Variants in CACNA1D observed in about 807,000 individuals in gnomAD.
CACNA1D encodes voltage-dependent L-type calcium channel subunit alpha-1D.
Under a neutral mutation model 257.1 loss-of-function variants are expected in CACNA1D, and 55 were observed. The observed-to-expected ratio is 0.21, with a 90% CI of 0.17 to 0.27. CACNA1D has a LOEUF of 0.27. Among genes scored for constraint, CACNA1D ranks in the 10% least tolerant of loss-of-function variants. CACNA1D has a pLI of 1.00. For missense variants in CACNA1D, 1,876 were observed against 2,784.0 expected (o/e 0.67, Z 7.34); for synonymous variants, 980 against 1,014.9 (o/e 0.97, Z 0.65).
In CACNA1D at chr3:53,774,773, G is replaced by T. The variant is rs2095387641; in HGVS notation, c.4202+95G>T. 1 of 754,072 alleles carries T rather than the reference G, an allele frequency of 1.3e-6. No homozygotes were observed. Among genetic ancestry groups the T allele is most frequent in the Non-Finnish European group, 2.4e-6 (1 of 414,892 alleles). 46.7% of individuals were successfully genotyped at this position (754,072 alleles called of 1,614,324 possible). A position where few individuals can be genotyped will look rare whatever the true frequency, so the allele number is the denominator to read the frequency against. On this transcript the variant is annotated intron_variant, in intron 34 of 47. Transcript: ENST00000350061. This position sits in a 1 kb window ranked among gnomAD's most constrained non-coding sequence, Gnocchi z 4.3. ...AGGACACAGGTTATTAAAGCAGTGT[G>T]CCTTTCTCAGTTGATTGTGATGGCT...
intron 3 of CACNA1D, among the ~76,000 whole-genome samples, chr3:53,608,586 C>A (rs2093543324): frequency 6.6e-6 from 1 of 152,172 alleles, no homozygotes; most frequent in Non-Finnish European, 1.5e-5. Flanking sequence ...CATTTCTTCA[C>A]CGTTAAGTAT....
chr3:53,728,686 A>G (rs1020819), intron 15 of CACNA1D, among the ~76,000 whole-genome samples: 1 of 151,978 alleles, frequency 6.6e-6, no homozygotes, highest in South Asian at 2.1e-4. Context: ...CTGTGGTTGC[A>G]TGTTGTTTTC....
At chr3:53,552,315 A>G (rs1432593239) in intron 3 of CACNA1D, among the ~76,000 whole-genome samples, 1 of 152,212 alleles carries the variant, frequency 6.6e-6, no homozygotes, top group Non-Finnish European at 1.5e-5. Flanking sequence ...CTATGCCACC[A>G]GAAGCCATGC....
At chr3:53,685,473 C>T (rs1349840315) in intron 8 of CACNA1D, among the ~76,000 whole-genome samples, 1 of 152,152 alleles carries the variant, frequency 6.6e-6, no homozygotes, top group Non-Finnish European at 1.5e-5. Context: ...ATTCAGCCAA[C>T]TTGACCTAAT....
chr3:53,745,537 G>T (rs911019243), intron 23 of CACNA1D, 87 bp from the exon 24 acceptor site: 7 of 830,078 alleles, frequency 8.4e-6, no homozygotes, highest in Non-Finnish European at 1.5e-5. Flanking sequence ...CACTGTGCCT[G>T]GCCAACACAG....
intron 7 of CACNA1D, among the ~76,000 whole-genome samples, chr3:53,672,764 GT>G (rs2094335914): frequency 7.4e-5 from 2 of 27,050 alleles, no homozygotes; most frequent in Non-Finnish European, 1.2e-4. Flanking sequence ...GACTCTGTGT[GT>G]GTGTGTGTGT....
intron 29 of CACNA1D, among the ~76,000 whole-genome samples, chr3:53,757,911 C>T (rs935497275): frequency 6.6e-6 from 1 of 152,208 alleles, no homozygotes; most frequent in Non-Finnish European, 1.5e-5. Context: ...TATGCACCAT[C>T]GTTACCAACA....
chr3:53,719,635 A>T, intron 10 of CACNA1D, 120 bp from the exon 11 acceptor site: 1 of 908,724 alleles, frequency 1.1e-6, no homozygotes, highest in East Asian at 2.4e-5. Flanking sequence ...TGCTGTGGTA[A>T]CCAGGGGTGC....
Position 53,770,032 on chromosome 3 carries a change from T to C in CACNA1D, c.3915+15T>C, listed in dbSNP as rs1487460722. On this transcript the variant is annotated intron_variant, in intron 31 of 47. Transcript: ENST00000350061. ...CTACACCTGGGGTAAGATCAGTGAC[T>C]AGTCCCCAGGGGCTGGGCCTTTTCC... The C allele has an allele frequency of 1.9e-6, 3 of 1,604,344 alleles. No individual in the cohort carries two copies. The highest frequency in any genetic ancestry group is 2.2e-5 in the East Asian group (1 of 44,850).
At chr3:53,610,320 G>T (rs946402383) in intron 3 of CACNA1D, among the ~76,000 whole-genome samples, 3 of 152,152 alleles carry the variant, frequency 2.0e-5, no homozygotes, top group Non-Finnish European at 2.9e-5. Flanking sequence ...TGTTTTATCA[G>T]TTATGAGAGA....
chr3:53,543,961 CT>C (rs1201966914), intron 3 of CACNA1D, among the ~76,000 whole-genome samples: 3 of 152,200 alleles, frequency 2.0e-5, no homozygotes, highest in African/African-American at 7.2e-5. Flanking sequence ...ATTTGCTCAT[CT>C]TTAATGTTTC....
At chr3:53,669,919 A>G (rs2094306254) in intron 7 of CACNA1D, among the ~76,000 whole-genome samples, 1 of 152,258 alleles carries the variant, frequency 6.6e-6, no homozygotes, top group Non-Finnish European at 1.5e-5. Context: ...CTCAAGATGC[A>G]GAAATAAACT....
rs750174181 is a variant in CACNA1D, at chr3:53,774,552, TC to T, written c.4111-34del. 1 of 1,276,498 alleles carries T rather than the reference TC, an allele frequency of 7.8e-7. No individual in the cohort carries two copies. The allele number at this position is 1,276,498 out of a possible 1,614,324, so 79.1% of individuals were successfully genotyped here. A position where few individuals can be genotyped will look rare whatever the true frequency, so the allele number is the denominator to read the frequency against. ...TACGGATTTTTTTTGCATGACGAAA[TC>T]TATTCTCTTTTTCCTGACAACTTCT... On this transcript the variant is annotated intron_variant, in intron 33 of 47. Coordinates refer to ENST00000350061, the MANE Select transcript of CACNA1D (RefSeq NM_001128840.3). The surrounding 1 kb of genome is among the most constrained non-coding windows in gnomAD (Gnocchi z 4.3).
intron 3 of CACNA1D, among the ~76,000 whole-genome samples, chr3:53,510,764 G>T (rs1262349496): frequency 3.9e-5 from 6 of 152,154 alleles, no homozygotes; most frequent in Non-Finnish European, 7.3e-5. Flanking sequence ...AGTCTTGGGG[G>T]TTGGGTCTGG....
intron 18 of CACNA1D, 65 bp downstream of exon 18, chr3:53,732,147 C>T: frequency 8.0e-7 from 1 of 1,249,712 alleles, no homozygotes. Flanking sequence ...CTGTGACCAC[C>T]TGCCGAGTCT....
intron 3 of CACNA1D, among the ~76,000 whole-genome samples, chr3:53,567,220 G>A (rs758779310): frequency 1.2e-4 from 19 of 152,148 alleles, no homozygotes; most frequent in South Asian, 2.1e-4. Flanking sequence ...ATAATTCATC[G>A]CTAAAGTTCA....
rs1299582800 is a variant in CACNA1D, at chr3:53,666,534, G to T, written c.1115G>T (p.Trp372Leu). 2 of 1,611,584 alleles carry T rather than the reference G, an allele frequency of 1.2e-6. No individual in the cohort carries two copies. Among genetic ancestry groups the T allele is most frequent in the South Asian group, 2.2e-5 (2 of 91,012 alleles). Residue 372 changes from tryptophan to leucine, a missense_variant and splice_region_variant, in exon 7 of 48, where the codon TGG becomes TTG. By Grantham distance (61) the Trp-to-Leu change is moderately conservative. Coordinates refer to ENST00000350061, the MANE Select transcript of CACNA1D (RefSeq NM_001128840.3). ...TMEGWTDVLY[W>L]MNDAMGFELP... ...GAGGGCTGGACAGATGTGCTCTACT[G>T]GGTAAGTACCCTGGGGAGAGAGTTT...
At chr3:53,738,301 C>T (rs1353371524) in intron 20 of CACNA1D, among the ~76,000 whole-genome samples, 4 of 152,168 alleles carry the variant, frequency 2.6e-5, no homozygotes, top group Admixed American at 6.5e-5. Flanking sequence ...TTATGAAACA[C>T]GCACTCCGAT....
rs2094898230 is a variant in CACNA1D at position 53,723,123 on chromosome 3, G to A, written c.1667-311G>A. The stretch of plus-strand genomic sequence containing the variant: ...CAACGCAGAATCGTAGGCTTTTAGG[G>A]CTGGAAGGAGTCAGAGATTATGTGA... On this transcript the variant is annotated intron_variant, in intron 12 of 47. Coordinates refer to ENST00000350061, the MANE Select transcript of CACNA1D (RefSeq NM_001128840.3). This position sits in a 1 kb window ranked among gnomAD's most constrained non-coding sequence, Gnocchi z 5.6. Among the ~76,000 whole-genome samples the A allele has an allele frequency of 6.6e-6, 1 of 152,150 alleles. No homozygotes were observed. Among genetic ancestry groups the A allele is most frequent in the Non-Finnish European group, 1.5e-5 (1 of 68,032 alleles).
Sources: gnomAD v4.1 joint callset for allele counts (sites outside exome capture counted in the v4.1 genomes callset) on GRCh38, gnomAD v4.1.1 for gene constraint, Gnocchi (gnomAD v3.1) non-coding constraint, MANE v1.5 for transcripts, NCBI Gene and HGNC (gene_info 2026-07-23, HGNC 2026-07-21) for gene names.